UHRF2: variants seen among roughly 807,000 people sequenced by gnomAD.
UHRF2 encodes E3 ubiquitin-protein ligase UHRF2.
A neutral mutation model predicts 96.8 loss-of-function variants in UHRF2; 23 were observed. The ratio of observed to expected loss-of-function variants is 0.24; its 90% CI spans 0.17 to 0.34. The LOEUF is 0.34. UHRF2 is among the 10% of genes least tolerant of loss of function. The pLI, the probability that UHRF2 is intolerant of heterozygous loss-of-function variation, is 1.00. For synonymous variants in UHRF2, 385 were observed against 332.6 expected (o/e 1.16, Z -1.72); for missense variants, 685 against 981.5 (o/e 0.70, Z 4.04).
chr9:6,428,828 G>A (rs1820412656), intron 2 of UHRF2, among the ~76,000 whole-genome samples: 1 of 151,978 alleles, frequency 6.6e-6, no homozygotes, highest in African/African-American at 2.4e-5. Context: ...GGATTACAGT[G>A]TGAGCCATCA....
rs1185829341 is a variant in UHRF2, at chr9:6,493,947, A to G, written c.1604+15A>G. On this transcript the variant is annotated intron_variant, in intron 10 of 15. Coordinates refer to ENST00000276893, the MANE Select transcript of UHRF2 (RefSeq NM_152896.3). ...AACATGAACAGGTACTACTATAGAC[A>G]CTGTTTAGAATTTGAACATTGAATA... is the stretch of plus-strand genomic sequence containing the variant. 6.2e-7 allele frequency: 1 copy of G among 1,600,808 alleles called. No individual in the cohort carries two copies. Among genetic ancestry groups the G allele is most frequent in the South Asian group, 1.1e-5 (1 of 89,948 alleles).
At chr9:6,436,414 A>G (rs1036013019) in intron 3 of UHRF2, among the ~76,000 whole-genome samples, 1 of 152,210 alleles carries the variant, frequency 6.6e-6, no homozygotes, top group Non-Finnish European at 1.5e-5. Context: ...TTGGTGTATT[A>G]ATAGTAAGTG....
intron 4 of UHRF2, among the ~76,000 whole-genome samples, chr9:6,471,414 G>C (rs559191015): frequency 1.3e-5 from 2 of 152,318 alleles, no homozygotes; most frequent in Admixed American, 1.3e-4. Context: ...CCCTCATGTG[G>C]TTTTCAGCCA....
chr9:6,427,684 C>CA (rs955972974), intron 2 of UHRF2, among the ~76,000 whole-genome samples: 15 of 151,864 alleles, frequency 9.9e-5, no homozygotes, highest in Non-Finnish European at 1.9e-4. Flanking sequence ...GACCCCATCT[C>CA]AAAAAAAAGA....
intron 3 of UHRF2, among the ~76,000 whole-genome samples, chr9:6,457,543 GT>G (rs1822256399): frequency 6.6e-6 from 1 of 152,136 alleles, no homozygotes; most frequent in South Asian, 2.1e-4. Context: ...CCAACACTCT[GT>G]TGAACAGGAA....
chr9:6,497,396 T>A (rs1338105747), intron 11 of UHRF2, 36 bp downstream of exon 11: 2 of 1,603,980 alleles, frequency 1.2e-6, no homozygotes, highest in Non-Finnish European at 8.5e-7. Context: ...TTTGTCATTC[T>A]TCCTGGGCTT....
intron 3 of UHRF2, among the ~76,000 whole-genome samples, chr9:6,439,496 G>A (rs967531730): frequency 6.6e-6 from 1 of 152,194 alleles, no homozygotes; most frequent in African/African-American, 2.4e-5. Flanking sequence ...TAAGGCCTAC[G>A]TTAAGCTGTC....
At chr9:6,448,948 C>T (rs1191523620) in intron 3 of UHRF2, among the ~76,000 whole-genome samples, 1 of 152,168 alleles carries the variant, frequency 6.6e-6, no homozygotes, top group African/African-American at 2.4e-5. Flanking sequence ...CTTTAAACAT[C>T]GCAGAACAAG....
chr9:6,497,835 G>GT (rs1825062965), intron 11 of UHRF2, among the ~76,000 whole-genome samples, 183 bp from the exon 12 acceptor site: 1 of 152,174 alleles, frequency 6.6e-6, no homozygotes, highest in African/African-American at 2.4e-5. Flanking sequence ...CTCATGGGAA[G>GT]TACTGTAATA....
chr9:6,441,952 A>G (rs1821188631), intron 3 of UHRF2, among the ~76,000 whole-genome samples: 1 of 152,110 alleles, frequency 6.6e-6, no homozygotes, highest in African/African-American at 2.4e-5. Flanking sequence ...GAGTGGGGGA[A>G]ATACTATGTA....
At chr9:6,448,338 T>C (rs532517265) in intron 3 of UHRF2, among the ~76,000 whole-genome samples, 4 of 152,246 alleles carry the variant, frequency 2.6e-5, no homozygotes, top group African/African-American at 4.8e-5. Context: ...TCATTACTTA[T>C]CTGTGAATAC....
chr9:6,442,482 T>C (rs144379455), intron 3 of UHRF2, among the ~76,000 whole-genome samples: 5 of 86,228 alleles, frequency 5.8e-5, no homozygotes, highest in Non-Finnish European at 8.0e-5. Context: ...GTTTTGTTTG[T>C]TTTGTTTTGT....
At chr9:6,476,829 G>A (rs768380264) in intron 5 of UHRF2, among the ~76,000 whole-genome samples, 5 of 152,078 alleles carry the variant, frequency 3.3e-5, no homozygotes, top group Non-Finnish European at 7.4e-5. Flanking sequence ...TCCTGAGCTC[G>A]TGATCCGCCC....
At chr9:6,438,779 A>C (rs1820996414) in intron 3 of UHRF2, among the ~76,000 whole-genome samples, 1 of 152,216 alleles carries the variant, frequency 6.6e-6, no homozygotes, top group South Asian at 2.1e-4. Context: ...AGTCTTTGAA[A>C]TGAAGCTTCA....
At chr9:6,501,977 T>A (rs74736829) in intron 14 of UHRF2, among the ~76,000 whole-genome samples, 2,664 of 152,296 alleles carry the variant, frequency 0.017, 67 homozygotes, top group African/African-American at 0.059. Flanking sequence ...CTGGGACAGA[T>A]TCTGACCTTC....
intron 9 of UHRF2, among the ~76,000 whole-genome samples, chr9:6,492,026 C>T (rs1824691287): frequency 6.6e-6 from 1 of 152,144 alleles, no homozygotes; most frequent in Non-Finnish European, 1.5e-5. Flanking sequence ...AATCATTGCG[C>T]CTGGCCTTTC....
At chr9:6,488,795 CTGAG>C (rs1824474713) in intron 9 of UHRF2, among the ~76,000 whole-genome samples, 1 of 150,738 alleles carries the variant, frequency 6.6e-6, no homozygotes, top group African/African-American at 2.4e-5. Context: ...AGCTACCGTG[CTGAG>C]TGTTTTTTTT....
chr9:6,487,692 G>C (rs1325584618), intron 9 of UHRF2, among the ~76,000 whole-genome samples: 1 of 152,134 alleles, frequency 6.6e-6, no homozygotes, highest in Middle Eastern at 3.2e-3. Context: ...AGTAGAGCTG[G>C]GGTTTCGCCA....
chr9:6,505,979 G>C, intron 15 of UHRF2, 54 bp from the exon 16 acceptor site: 1 of 1,594,136 alleles, frequency 6.3e-7, no homozygotes, highest in Non-Finnish European at 8.6e-7. Flanking sequence ...AAGTTGCTGA[G>C]TACTTACATG....
Sources: gnomAD v4.1 joint callset for allele counts (sites outside exome capture counted in the v4.1 genomes callset) on GRCh38, gnomAD v4.1.1 for gene constraint, MANE v1.5 for transcripts, NCBI Gene and HGNC (gene_info 2026-07-23, HGNC 2026-07-21) for gene names.